Variants in UBL7 observed in about 807,000 individuals in gnomAD.
UBL7 encodes ubiquitin-like protein 7.
Under a neutral mutation model 41.7 loss-of-function variants are expected in UBL7, and 21 were observed. The ratio of observed to expected loss-of-function variants is 0.50; its 90% CI spans 0.36 to 0.73. The LOEUF (loss-of-function observed/expected upper bound fraction) is 0.73, where lower values mean the gene tolerates loss of function less well. UBL7 is among the 30% of genes least tolerant of loss of function. The probability of loss-of-function intolerance (pLI) is 0.00; values close to 1 mark genes in which losing one functional copy is unlikely to be tolerated. For missense variants in UBL7, 403 were observed against 478.4 expected (o/e 0.84, Z 1.47); for synonymous variants, 157 against 186.9 (o/e 0.84, Z 1.31).
At chr15:74,448,622 G>A (rs1247158270) in intron 9 of UBL7, 22 bp from the exon 10 acceptor site, 1 of 1,613,240 alleles carries the variant, frequency 6.2e-7, no homozygotes, top group Non-Finnish European at 8.5e-7. Context: ...TTAGTGGTCA[G>A]TGCCACCCTC....
rs1037226632 is a variant in UBL7, at chr15:74,452,320, G to A, written c.363C>T (p.His121=). Residue 121 remains histidine (H), a synonymous_variant, in exon 4 of 11, where the codon CAC becomes CAT. Transcript: ENST00000395081. ...REFRVLHTAL[H]SSSSYREAVF... ...CCGCCTCCCTGTAAGAGGAGCTGCTGTGCAGGGCAGTGTGCAACACCCGGA... is the reference window on the plus strand; with the variant it reads ...CCGCCTCCCTGTAAGAGGAGCTGCTATGCAGGGCAGTGTGCAACACCCGGA... The A allele has an allele frequency of 6.0e-5, 94 of 1,559,552 alleles. No homozygotes were observed. Among genetic ancestry groups the A allele is most frequent in the Non-Finnish European group, 7.6e-5 (88 of 1,150,684 alleles).
At chr15:74,456,386 T>C (rs149408353) in intron 3 of UBL7, among the ~76,000 whole-genome samples, 166 bp downstream of exon 3, 1 of 152,344 alleles carries the variant, frequency 6.6e-6, no homozygotes, top group Non-Finnish European at 1.5e-5. Context: ...AATTGGACTC[T>C]GTTTATCAGC....
At chr15:74,452,181 A>G (rs2141317690) in intron 4 of UBL7, 115 bp downstream of exon 4, 1 of 1,118,836 alleles carries the variant, frequency 8.9e-7, no homozygotes, top group South Asian at 1.5e-5. Context: ...AAAACTCCCC[A>G]AGGAACTCTT....
intron 10 of UBL7, among the ~76,000 whole-genome samples, chr15:74,447,037 G>C (rs2141307812): frequency 6.6e-6 from 1 of 152,288 alleles, no homozygotes; most frequent in South Asian, 2.1e-4. Flanking sequence ...AGATCAATTT[G>C]AATTCATTTT....
At chr15:74,459,308 T>A (rs2061324359) in intron 1 of UBL7, among the ~76,000 whole-genome samples, 1 of 151,678 alleles carries the variant, frequency 6.6e-6, no homozygotes, top group South Asian at 2.1e-4. Context: ...ATCATTTTTT[T>A]TTTTTTTTTT....
At chr15:74,453,428 G>A (rs1162521099) in intron 3 of UBL7, among the ~76,000 whole-genome samples, 1 of 152,044 alleles carries the variant, frequency 6.6e-6, no homozygotes, top group Non-Finnish European at 1.5e-5. Flanking sequence ...GGAACACAAA[G>A]GCAGACAGGC....
intron 3 of UBL7, among the ~76,000 whole-genome samples, chr15:74,454,389 G>A (rs1448021759): frequency 1.3e-5 from 2 of 151,776 alleles, no homozygotes; most frequent in Non-Finnish European, 1.5e-5. Context: ...TCAGTAAGAG[G>A]ATATTAGAAA....
Position 74,446,076 on chromosome 15 carries a change from G to A in UBL7, c.*14C>T, listed in dbSNP as rs1227046508. The A allele has an allele frequency of 6.2e-7, 1 of 1,612,812 alleles. No individual in the cohort carries two copies. The highest frequency in any genetic ancestry group is 1.3e-5 in the African/African-American group (1 of 74,900). On this transcript the variant is annotated 3_prime_UTR_variant, in exon 11 of 11. Coordinates refer to ENST00000395081, the MANE Select transcript of UBL7 (RefSeq NM_032907.5). This position sits in a 1 kb window ranked among gnomAD's most constrained non-coding sequence, Gnocchi z 4.1. ...CCTCTGCAACTTGCTGGGGGTTCAG[G>A]GGAAGCAGGGAGTTCATGGGGCTCC... is the stretch of plus-strand genomic sequence containing the variant.
chr15:74,459,088 C>G (rs1040629979), intron 1 of UBL7, 192 bp from the exon 2 acceptor site: 20 of 561,040 alleles, frequency 3.6e-5, no homozygotes, highest in Non-Finnish European at 6.0e-5. Flanking sequence ...CTCTCTAGGC[C>G]TCAGTTTCTT....
chr15:74,449,100 G>T, intron 9 of UBL7, 86 bp downstream of exon 9: 1 of 1,448,530 alleles, frequency 6.9e-7, no homozygotes, highest in South Asian at 1.4e-5. Context: ...TCTAGCACCA[G>T]GGTCAGCAAA....
chr15:74,447,031 C>G (rs2061190339), intron 10 of UBL7, among the ~76,000 whole-genome samples: 1 of 152,124 alleles, frequency 6.6e-6, no homozygotes, highest in Non-Finnish European at 1.5e-5. Context: ...GCACACAGAT[C>G]AATTTGAATT....
At chr15:74,451,596 G>T in intron 4 of UBL7, 76 bp from the exon 5 acceptor site, 1 of 1,181,630 alleles carries the variant, frequency 8.5e-7, no homozygotes, top group Non-Finnish European at 1.3e-6. Flanking sequence ...TCTGCCAAAG[G>T]ACTTCCTCCC....
At chr15:74,456,128 G>GAA (rs553827153) in intron 3 of UBL7, among the ~76,000 whole-genome samples, 15 of 93,492 alleles carry the variant, frequency 1.6e-4, no homozygotes, top group Admixed American at 2.2e-4. Flanking sequence ...CTCCGTCTCA[G>GAA]AAAAAAAAAA....
chr15:74,446,301 G>C lies in UBL7; in HGVS notation c.1006-74C>G. ...AGACTCACTTAGGTCTGTGCTTTCC[G>C]GGGAAGGAAAGGAAGATGGGGGAGT... On this transcript the variant is annotated intron_variant, in intron 10 of 10. Transcript: ENST00000395081. The surrounding 1 kb of genome is among the most constrained non-coding windows in gnomAD (Gnocchi z 4.1). The C allele has an allele frequency of 1.9e-6, 3 of 1,572,572 alleles. No individual in the cohort carries two copies. Among genetic ancestry groups the C allele is most frequent in the Admixed American group, 3.6e-5 (2 of 56,302 alleles).
At chr15:74,453,159 T>C (rs1472267268) in intron 3 of UBL7, among the ~76,000 whole-genome samples, 1 of 152,202 alleles carries the variant, frequency 6.6e-6, no homozygotes, top group South Asian at 2.1e-4. Context: ...CACATCCTTA[T>C]CGACAGTCCT....
At chr15:74,452,464 A>G in intron 3 of UBL7, 86 bp from the exon 4 acceptor site, 1 of 1,353,516 alleles carries the variant, frequency 7.4e-7, no homozygotes, top group Non-Finnish European at 1.0e-6. Flanking sequence ...GCATGTGCCA[A>G]GGAGCAGCCT....
intron 8 of UBL7, 25 bp from the exon 9 acceptor site, chr15:74,449,378 C>A: frequency 6.2e-7 from 1 of 1,613,130 alleles, no homozygotes; most frequent in South Asian, 1.1e-5. Flanking sequence ...CACTCAGAAT[C>A]AGGGAAGCAG....
In UBL7 at chr15:74,446,938, T is replaced by C. The variant is rs2141307614; in HGVS notation, c.1006-711A>G. Among the ~76,000 whole-genome samples, 1 of 152,158 alleles carries C rather than the reference T, an allele frequency of 6.6e-6. No homozygotes were observed. The highest frequency in any genetic ancestry group is 2.1e-4 in the South Asian group (1 of 4,826). ...TTAGGGAAAACAACGTGTTCACATG[T>C]GGGAAGAAGGCAATGCAAAGGGGAA... On this transcript the variant is annotated intron_variant, in intron 10 of 10. Transcript: ENST00000395081. This position sits in a 1 kb window ranked among gnomAD's most constrained non-coding sequence, Gnocchi z 4.1.
intron 1 of UBL7, chr15:74,460,621 C>A: frequency 8.5e-7 from 1 of 1,174,276 alleles, no homozygotes; most frequent in Non-Finnish European, 1.1e-6. Context: ...TTCTTGAATG[C>A]CCTTGAAAAC....
Sources: gnomAD v4.1 joint callset for allele counts (sites outside exome capture counted in the v4.1 genomes callset) on GRCh38, gnomAD v4.1.1 for gene constraint, Gnocchi (gnomAD v3.1) non-coding constraint, MANE v1.5 for transcripts, NCBI Gene and HGNC (gene_info 2026-07-23, HGNC 2026-07-21) for gene names.